Variants in MYRIP observed in about 807,000 individuals in gnomAD.
MYRIP encodes rab effector MyRIP.
A neutral mutation model predicts 98.0 loss-of-function variants in MYRIP; 49 were observed. The ratio of observed to expected loss-of-function variants is 0.50; its 90% CI spans 0.40 to 0.63. MYRIP has a LOEUF of 0.63. Ranked by LOEUF, MYRIP falls within the 30% of genes least tolerant of loss-of-function variation. MYRIP has a pLI of 0.00. For synonymous variants in MYRIP, 404 were observed against 409.5 expected, an observed-to-expected ratio of 0.99 and a Z score of 0.16; for missense variants, 1,004 against 1,058.2, an observed-to-expected ratio of 0.95 and a Z score of 0.71.
At chr3:40,152,182 T>C (rs1235656124) in intron 4 of MYRIP, among the ~76,000 whole-genome samples, 9 of 152,206 alleles carry the variant, frequency 5.9e-5, no homozygotes, top group Admixed American at 5.9e-4. Flanking sequence ...TTTCTCTAAA[T>C]ACTCTGTAGG....
chr3:39,871,067 G>A (rs976657007), intron 1 of MYRIP, among the ~76,000 whole-genome samples: 1 of 152,212 alleles, frequency 6.6e-6, no homozygotes, highest in African/African-American at 2.4e-5. Flanking sequence ...GTGATTCAAT[G>A]ACACACGCCT....
chr3:39,925,251 G>A (rs538040977), intron 2 of MYRIP, among the ~76,000 whole-genome samples: 31 of 152,086 alleles, frequency 2.0e-4, no homozygotes, highest in African/African-American at 6.7e-4. Context: ...CAGTATCACC[G>A]AGGACACAGA....
intron 9 of MYRIP, among the ~76,000 whole-genome samples, chr3:40,186,177 C>T (rs1325699541): frequency 5.3e-5 from 8 of 152,166 alleles, no homozygotes; most frequent in African/African-American, 1.9e-4. Context: ...TAAGTCAAGT[C>T]TTGAAAGATG....
intron 1 of MYRIP, among the ~76,000 whole-genome samples, chr3:39,841,564 C>T (rs769104366): frequency 3.3e-5 from 5 of 152,062 alleles, no homozygotes; most frequent in Non-Finnish European, 5.9e-5. Flanking sequence ...AGTCTTTTTG[C>T]GCTGGTTTTC....
intron 1 of MYRIP, among the ~76,000 whole-genome samples, chr3:39,832,094 T>G (rs1378049845): frequency 6.6e-6 from 1 of 152,238 alleles, no homozygotes. Context: ...TTCTGCACTC[T>G]TCTTCCTCTC....
intron 3 of MYRIP, among the ~76,000 whole-genome samples, chr3:40,098,589 G>A (rs964757427): frequency 2.3e-4 from 35 of 152,260 alleles, no homozygotes; most frequent in African/African-American, 6.3e-4. Context: ...TACTCACAGA[G>A]GGAAGCTAGT....
intron 3 of MYRIP, among the ~76,000 whole-genome samples, chr3:40,050,714 C>T (rs1182183488): frequency 6.6e-6 from 1 of 152,050 alleles, no homozygotes; most frequent in African/African-American, 2.4e-5. Flanking sequence ...GAAAACAAAC[C>T]TTTTGGAAAG....
At chr3:39,883,264 C>T (rs1416479999) in intron 1 of MYRIP, among the ~76,000 whole-genome samples, 1 of 152,160 alleles carries the variant, frequency 6.6e-6, no homozygotes, top group African/African-American at 2.4e-5. Context: ...ATGTGGAAGG[C>T]CTGTGCAGGA....
intron 2 of MYRIP, among the ~76,000 whole-genome samples, chr3:39,999,199 G>A (rs1230325477): frequency 6.6e-6 from 1 of 152,198 alleles, no homozygotes; most frequent in Non-Finnish European, 1.5e-5. Context: ...AAACTAAAGA[G>A]CTTCTGCACA....
At chr3:40,221,042 C>CAAAAAA (rs150976340) in intron 11 of MYRIP, among the ~76,000 whole-genome samples, 29 of 61,554 alleles carry the variant, frequency 4.7e-4, no homozygotes, top group East Asian at 9.9e-4. Flanking sequence ...GGCAAGTCAC[C>CAAAAAA]AAAAAAAAAA....
intron 1 of MYRIP, among the ~76,000 whole-genome samples, chr3:39,891,374 C>T (rs1399206626): frequency 2.0e-5 from 3 of 151,962 alleles, no homozygotes; most frequent in Non-Finnish European, 2.9e-5. Flanking sequence ...TGAGCATCCC[C>T]TCTGTATTGG....
chr3:39,984,473 A>G (rs1019458751), intron 2 of MYRIP, among the ~76,000 whole-genome samples: 1 of 151,430 alleles, frequency 6.6e-6, no homozygotes, highest in African/African-American at 2.4e-5. Context: ...GAGAATATGC[A>G]GTGTTTGGTT....
chr3:40,175,655 G>C (rs1310247298), intron 8 of MYRIP, among the ~76,000 whole-genome samples: 1 of 152,276 alleles, frequency 6.6e-6, no homozygotes, highest in Non-Finnish European at 1.5e-5. Context: ...ACATATGGTA[G>C]ACAGGGTCAG....
rs1406524338 is a variant in MYRIP, at chr3:40,190,085, G to A, written c.1287G>A (p.Gln429=). 1.2e-6 allele frequency: 2 copies of A among 1,613,982 alleles called. No homozygotes were observed. ...CCCAGCCTCAGCCCACACAGGCCCAGAGCTCTGACCAAGGCCCCATAGCTG... is the reference window on the plus strand; with the variant it reads ...CCCAGCCTCAGCCCACACAGGCCCAAAGCTCTGACCAAGGCCCCATAGCTG... ...RNPQPQPTQA[Q]SSDQGPIAAS... Residue 429 remains glutamine (Q), a synonymous_variant, in exon 10 of 17, where the codon CAG becomes CAA. Transcript: ENST00000302541.
intron 4 of MYRIP, among the ~76,000 whole-genome samples, chr3:40,159,247 C>T (rs1468119235): frequency 7.3e-5 from 11 of 151,058 alleles, no homozygotes; most frequent in Non-Finnish European, 1.2e-4. Context: ...TTCTCCTTCA[C>T]TTATGAAGCT....
At chr3:39,873,659 C>T (rs1306889319) in intron 1 of MYRIP, among the ~76,000 whole-genome samples, 12 of 151,798 alleles carry the variant, frequency 7.9e-5, no homozygotes, top group African/African-American at 9.7e-5. Context: ...AGATATGTGG[C>T]GTTATTTCTG....
chr3:39,874,737 G>T (rs1046560506), intron 1 of MYRIP, among the ~76,000 whole-genome samples: 2 of 152,142 alleles, frequency 1.3e-5, no homozygotes, highest in East Asian at 1.9e-4. Flanking sequence ...GCTGGATTCG[G>T]TTTACCAGTA....
chr3:40,051,928 T>G (rs1663529158), intron 3 of MYRIP, among the ~76,000 whole-genome samples: 2 of 152,120 alleles, frequency 1.3e-5, no homozygotes, highest in Non-Finnish European at 2.9e-5. Context: ...GTATGTATTT[T>G]GAGGGTATGT....
intron 2 of MYRIP, among the ~76,000 whole-genome samples, chr3:39,935,845 T>TA (rs1944644358): frequency 6.6e-6 from 1 of 152,180 alleles, no homozygotes; most frequent in African/African-American, 2.4e-5. Context: ...TGCCATGTTG[T>TA]AAGTATGTGT....
Sources: allele counts gnomAD v4.1 joint callset (sites outside exome capture counted in the v4.1 genomes callset), GRCh38; gene constraint gnomAD v4.1.1; transcripts MANE v1.5; gene names NCBI Gene and HGNC (gene_info 2026-07-23, HGNC 2026-07-21).